RPP30: variants seen among roughly 807,000 people sequenced by gnomAD.
The protein encoded by RPP30 is ribonuclease P/MRP subunit p30, also known as ribonuclease P protein subunit p30.
A neutral mutation model predicts 38.6 loss-of-function variants in RPP30; 36 were observed. The ratio of observed to expected loss-of-function variants is 0.93; its 90% CI spans 0.71 to 1.23. The LOEUF (loss-of-function observed/expected upper bound fraction) is 1.23. RPP30 is among the 50% of genes most tolerant of loss of function. The pLI, the probability that RPP30 is intolerant of heterozygous loss-of-function variation, is 0.00. For missense variants in RPP30, 321 were observed against 321.7 expected (o/e 1.00, Z 0.02); for synonymous variants, 126 against 112.7 (o/e 1.12, Z -0.75).
chr10:90,873,541 A>G (rs1336543883), intron 1 of RPP30, among the ~76,000 whole-genome samples: 2 of 152,222 alleles, frequency 1.3e-5, no homozygotes, highest in African/African-American at 4.8e-5. Context: ...AAATTAAAAT[A>G]CCCTAAAGCC....
Position 90,897,486 on chromosome 10 carries a change from A to G in RPP30, c.697+1094A>G, listed in dbSNP as rs559810912. On this transcript the variant is annotated intron_variant, in intron 10 of 10. Coordinates refer to ENST00000371703, the MANE Select transcript of RPP30 (RefSeq NM_006413.5). ...TTGAGATTTTTGTATTATGTAGCCT[A>G]GAACTCATCACATAAGCTTTGGGAG... Among the ~76,000 whole-genome samples the G allele has an allele frequency of 3.3e-5, 5 of 152,360 alleles. No homozygotes were observed. The South Asian group carries it at 1.0e-3, about 32-fold the overall frequency.
At chr10:90,875,454 T>TAA (rs149175620) in intron 2 of RPP30, 104 bp from the exon 3 acceptor site, 37 of 862,472 alleles carry the variant, frequency 4.3e-5, no homozygotes, top group Middle Eastern at 3.2e-4. Context: ...GCTTTCTTTT[T>TAA]AAAAAAAATG....
At chr10:90,895,410 T>C in intron 7 of RPP30, 44 bp from the exon 8 acceptor site, 1 of 1,161,498 alleles carries the variant, frequency 8.6e-7, no homozygotes, top group African/African-American at 1.6e-5. Context: ...ACTCCTTTTT[T>C]TACATTTATC....
intron 6 of RPP30, among the ~76,000 whole-genome samples, chr10:90,888,623 C>T (rs1368984386): frequency 6.6e-6 from 1 of 152,130 alleles, no homozygotes; most frequent in South Asian, 2.1e-4. Context: ...TGTCCACATT[C>T]ATCAGGAAGT....
downstream of RPP30, chr10:90,905,796 C>G (rs972353337): frequency 1.3e-5 from 2 of 152,086 alleles, no homozygotes; most frequent in Non-Finnish European, 2.9e-5. Flanking sequence ...TGATGCAAGT[C>G]TTATACTTTT....
intron 2 of RPP30, 36 bp downstream of exon 2, chr10:90,874,960 A>G (rs752619990): frequency 3.1e-6 from 4 of 1,298,284 alleles, no homozygotes; most frequent in Non-Finnish European, 4.4e-6. Context: ...AAGTTCATAA[A>G]TAAGTATTTG....
Position 90,885,699 on chromosome 10 carries a change from C to G in RPP30, c.343-113C>G, listed in dbSNP as rs1205229030. The G allele has an allele frequency of 8.9e-6, 6 of 677,282 alleles. No homozygotes were observed. In the East Asian group the frequency reaches 1.4e-4, roughly 16 times the overall value. 42.0% of individuals were successfully genotyped at this position (677,282 alleles called of 1,614,324 possible). On this transcript the variant is annotated intron_variant, in intron 5 of 10. Transcript: ENST00000371703. ...AGGTCAGATGTATTTCAACACAGAA[C>G]CATCAAAACACCTATGGAGTGAACC...
At chr10:90,902,379 CAG>C, downstream of RPP30, 1 of 352,614 alleles carries the variant, frequency 2.8e-6, no homozygotes, top group South Asian at 2.0e-5. Flanking sequence ...CACCACATCC[CAG>C]CTAATTTTTG....
intron 1 of RPP30, among the ~76,000 whole-genome samples, chr10:90,872,652 A>T (rs1026998902): frequency 9.2e-5 from 14 of 152,146 alleles, no homozygotes; most frequent in African/African-American, 3.4e-4. Context: ...TAACTATTGG[A>T]GTTAGTCATG....
chr10:90,891,711 C>G (rs1237156193), intron 6 of RPP30, among the ~76,000 whole-genome samples: 3 of 152,058 alleles, frequency 2.0e-5, no homozygotes, highest in Non-Finnish European at 4.4e-5. Context: ...CAGCAGACTA[C>G]CTTTTGGATA....
rs773762293 is a variant in RPP30, at chr10:90,900,731, T to C, written c.*52T>C. 64 of 1,567,292 alleles carry C rather than the reference T, an allele frequency of 4.1e-5. No individual in the cohort carries two copies. The highest frequency in any genetic ancestry group is 2.7e-5 in the African/African-American group (2 of 72,890). On this transcript the variant is annotated 3_prime_UTR_variant, in exon 11 of 11. Transcript: ENST00000371703. ...CTCCCTTCTTCCCTTTTATAGTTCA[T>C]CAGCCACAACAAAAATAAAACCTTT...
intron 5 of RPP30, among the ~76,000 whole-genome samples, chr10:90,883,126 G>A (rs115139715): frequency 1.2e-3 from 185 of 152,214 alleles, no homozygotes; most frequent in African/African-American, 4.3e-3. Flanking sequence ...AAGCCTGATT[G>A]TCTCTTCACA....
downstream of RPP30, chr10:90,902,314 C>T (rs962276932): frequency 7.6e-6 from 3 of 392,236 alleles, no homozygotes; most frequent in Non-Finnish European, 9.9e-6. Context: ...GCCTCTTGGG[C>T]TCAAGCCATC....
chr10:90,898,724 G>T (rs527526528), intron 10 of RPP30, among the ~76,000 whole-genome samples: 1 of 152,202 alleles, frequency 6.6e-6, no homozygotes, highest in Non-Finnish European at 1.5e-5. Context: ...AACTTGGAAG[G>T]CTTGCCACAG....
In RPP30 at chr10:90,900,613, AC is replaced by A. The variant is rs1235805773; in HGVS notation, c.743del (p.Pro248LeufsTer45). 1.2e-6 allele frequency: 2 copies of A among 1,613,532 alleles called. No homozygotes were observed. The highest frequency in any genetic ancestry group is 2.7e-5 in the African/African-American group (2 of 74,926). ...TTGGAATTATCTCTACAGTGAAGAA[AC>A]CTCGGCCATCAGAAGGAGATGAAGA... ...AFGIISTVKKPRPSEGDEDCL... is the reference protein window; with the variant it reads ...AFGIISTVKKXRPSEGDEDCL... On this transcript the variant is annotated frameshift_variant, in exon 11 of 11. Transcript: ENST00000371703. LOFTEE classifies it high-confidence loss of function.
At chr10:90,880,227 A>G (rs1055618378) in intron 5 of RPP30, 3 of 151,636 alleles carry the variant, frequency 2.0e-5, no homozygotes, top group Non-Finnish European at 4.4e-5. Context: ...TTTTTTAAGC[A>G]AAATTCATTC....
At chr10:90,906,966 G>GT (rs1439375625), downstream of RPP30, among the ~76,000 whole-genome samples, 1 of 152,128 alleles carries the variant, frequency 6.6e-6, no homozygotes, top group East Asian at 1.9e-4. Context: ...CCCCCAACGT[G>GT]TTTATCTTTT....
intron 7 of RPP30, 88 bp from the exon 8 acceptor site, chr10:90,895,366 T>A (rs1297650435): frequency 3.9e-6 from 3 of 774,066 alleles, no homozygotes; most frequent in Non-Finnish European, 6.2e-6. Flanking sequence ...GCCTTAAATG[T>A]TAAAATATGA....
intron 6 of RPP30, among the ~76,000 whole-genome samples, chr10:90,894,350 C>T (rs930130540): frequency 1.3e-5 from 2 of 152,114 alleles, no homozygotes; most frequent in African/African-American, 4.8e-5. Flanking sequence ...CTTTTTTCAG[C>T]TCTTCATTTC....
Sources: allele counts gnomAD v4.1 joint callset (sites outside exome capture counted in the v4.1 genomes callset), GRCh38; gene constraint gnomAD v4.1.1; transcripts MANE v1.5; gene names NCBI Gene and HGNC (gene_info 2026-07-23, HGNC 2026-07-21).